The following MAN1A1 variants were observed in gnomAD, a reference collection of about 807,000 sequenced individuals.
MAN1A1 encodes the protein mannosyl-oligosaccharide 1,2-alpha-mannosidase IA.
MAN1A1 carries 29 observed loss-of-function variants against 70.8 expected under a neutral mutation model. The ratio of observed to expected loss-of-function variants is 0.41; its 90% CI spans 0.31 to 0.56. MAN1A1 has a LOEUF of 0.56. Among genes scored for constraint, MAN1A1 ranks in the 20% least tolerant of loss-of-function variants. The pLI is 0.29. For missense variants in MAN1A1, 747 were observed against 841.3 expected, an observed-to-expected ratio of 0.89 and a Z score of 1.39; for synonymous variants, 349 against 330.1, an observed-to-expected ratio of 1.06 and a Z score of -0.62.
intron 6 of MAN1A1, among the ~76,000 whole-genome samples, chr6:119,222,083 T>A (rs889462864): frequency 1.3e-5 from 2 of 152,070 alleles, no homozygotes; most frequent in East Asian, 3.9e-4. Context: ...CAAAGAACAA[T>A]AATTTCCTCA....
intron 2 of MAN1A1, among the ~76,000 whole-genome samples, chr6:119,336,954 TA>T (rs936441763): frequency 2.6e-4 from 39 of 148,678 alleles, no homozygotes; most frequent in African/African-American, 5.9e-4. Flanking sequence ...ATAACATATC[TA>T]AAAAAAAAAT....
chr6:119,254,760 G>C (rs1166627330), intron 5 of MAN1A1, among the ~76,000 whole-genome samples: 1 of 152,150 alleles, frequency 6.6e-6, no homozygotes, highest in Non-Finnish European at 1.5e-5. Context: ...GCATTCTAAG[G>C]ATTCTGATTA....
At chr6:119,248,616 C>T (rs1355012554) in intron 5 of MAN1A1, among the ~76,000 whole-genome samples, 2 of 152,136 alleles carry the variant, frequency 1.3e-5, no homozygotes, top group African/African-American at 2.4e-5. Context: ...CTGATGTGAA[C>T]GTCTTACTCT....
chr6:119,250,123 T>C (rs932309869), intron 5 of MAN1A1, among the ~76,000 whole-genome samples: 1 of 152,230 alleles, frequency 6.6e-6, no homozygotes, highest in African/African-American at 2.4e-5. Flanking sequence ...TTTCCCTTTC[T>C]CTGCCTTACC....
intron 6 of MAN1A1, among the ~76,000 whole-genome samples, chr6:119,245,194 A>C (rs926229196): frequency 1.3e-5 from 2 of 152,154 alleles, no homozygotes; most frequent in Admixed American, 1.3e-4. Flanking sequence ...ATGCACAGCT[A>C]GTCTAAAAAG....
At chr6:119,313,246 A>G (rs1365852028) in intron 2 of MAN1A1, among the ~76,000 whole-genome samples, 3 of 152,172 alleles carry the variant, frequency 2.0e-5, no homozygotes, top group Non-Finnish European at 4.4e-5. Context: ...ATCTGAAAGT[A>G]TTTAGCACCC....
intron 2 of MAN1A1, among the ~76,000 whole-genome samples, chr6:119,346,686 T>C (rs1223259586): frequency 6.6e-6 from 1 of 152,234 alleles, no homozygotes; most frequent in Non-Finnish European, 1.5e-5. Flanking sequence ...CTGCTCTGAA[T>C]GCACTTGTAA....
At position 119,306,611 on chromosome 6, in the gene MAN1A1, G is replaced by A. The variant is rs182676733; in HGVS notation, c.700+285C>T. On this transcript the variant is annotated intron_variant, in intron 3 of 12. Transcript: ENST00000368468. ...AATCACCCCAGAGGCTAAAATTTATGATACTGCACCCTATAACCATTAAGT... is the reference window on the plus strand; with the variant it reads ...AATCACCCCAGAGGCTAAAATTTATAATACTGCACCCTATAACCATTAAGT... Among the ~76,000 whole-genome samples, 11 of 152,272 alleles carry A rather than the reference G, an allele frequency of 7.2e-5. No homozygotes were observed. The East Asian group carries it at 1.9e-3, about 27-fold the overall frequency.
chr6:119,295,482 C>T (rs1772183705), intron 4 of MAN1A1, among the ~76,000 whole-genome samples: 1 of 151,902 alleles, frequency 6.6e-6, no homozygotes, highest in South Asian at 2.1e-4. Context: ...ATCTTCAAGC[C>T]TTATGATGTT....
chr6:119,303,754 G>C (rs1281492536), intron 3 of MAN1A1, among the ~76,000 whole-genome samples: 1 of 152,106 alleles, frequency 6.6e-6, no homozygotes, highest in Non-Finnish European at 1.5e-5. Flanking sequence ...ACTCCAGGTA[G>C]ACTACAGCTA....
intron 5 of MAN1A1, among the ~76,000 whole-genome samples, chr6:119,257,462 G>C (rs1775490768): frequency 6.6e-6 from 1 of 152,084 alleles, no homozygotes; most frequent in Admixed American, 6.5e-5. Flanking sequence ...GCTCTCATTG[G>C]TTATGGGACT....
chr6:119,289,266 T>A (rs1776466887), intron 5 of MAN1A1, among the ~76,000 whole-genome samples: 1 of 151,890 alleles, frequency 6.6e-6, no homozygotes, highest in Admixed American at 6.6e-5. Context: ...TCCTCCAAAT[T>A]GTCTCACCTC....
intron 5 of MAN1A1, among the ~76,000 whole-genome samples, chr6:119,267,898 G>A (rs1300814413): frequency 6.6e-6 from 1 of 152,142 alleles, no homozygotes; most frequent in Admixed American, 6.6e-5. Flanking sequence ...TATTTGAACT[G>A]TGGGAGACTT....
chr6:119,285,309 A>G (rs757399395), intron 5 of MAN1A1, among the ~76,000 whole-genome samples: 3 of 151,982 alleles, frequency 2.0e-5, no homozygotes, highest in Non-Finnish European at 4.4e-5. Context: ...CCTTGCTGTA[A>G]CTAATAGAGT....
At chr6:119,286,332 C>T in intron 5 of MAN1A1, among the ~76,000 whole-genome samples, 1 of 152,218 alleles carries the variant, frequency 6.6e-6, no homozygotes, top group South Asian at 2.1e-4. Context: ...AATGTCTTAA[C>T]CCTATTATGA....
chr6:119,306,954 G>C lies in MAN1A1; in HGVS notation c.642C>G (p.Ala214=). ...KHAWNNYKGY[A]WGLNELKPIS... is the part of the protein sequence containing the mutation. ...TAGGTTTGAGTTCATTTAATCCCCA[G>C]GCATAACCTTTATAATTATTCCAAG... Residue 214 remains alanine, a synonymous_variant, in exon 3 of 13, where the codon GCC becomes GCG. Transcript: ENST00000368468. 1.3e-6 allele frequency: 2 copies of C among 1,597,830 alleles called. No homozygotes were observed. Among genetic ancestry groups the C allele is most frequent in the Non-Finnish European group, 1.7e-6 (2 of 1,165,994 alleles).
rs1392378658 is a variant in MAN1A1, at chr6:119,178,363, G to A, written c.*1456C>T. On this transcript the variant is annotated 3_prime_UTR_variant, in exon 13 of 13. Transcript: ENST00000368468. ...CATATGTTTCAGCCTAATCCATGGGGTTGTACTGATCTTTCTGACCATTCT... is the reference window on the plus strand; with the variant it reads ...CATATGTTTCAGCCTAATCCATGGGATTGTACTGATCTTTCTGACCATTCT... 14 of 152,050 alleles carry A rather than the reference G, an allele frequency of 9.2e-5. No individual in the cohort carries two copies. The highest frequency in any genetic ancestry group is 9.2e-4 in the Admixed American group (14 of 15,256). The allele number at this position is 152,050 out of a possible 1,614,324, so 9.4% of individuals were successfully genotyped here.
chr6:119,251,144 C>A (rs1775307007), intron 5 of MAN1A1, among the ~76,000 whole-genome samples: 1 of 152,164 alleles, frequency 6.6e-6, no homozygotes, highest in Non-Finnish European at 1.5e-5. Flanking sequence ...TCCTATTTAG[C>A]CTGCTTGTTT....
intron 3 of MAN1A1, among the ~76,000 whole-genome samples, chr6:119,303,938 C>T (rs1454501169): frequency 6.6e-6 from 1 of 152,216 alleles, no homozygotes; most frequent in Non-Finnish European, 1.5e-5. Flanking sequence ...TTTCCTTTCA[C>T]TGAACTTCAT....
Sources: gnomAD v4.1 joint callset for allele counts (sites outside exome capture counted in the v4.1 genomes callset) on GRCh38, gnomAD v4.1.1 for gene constraint, MANE v1.5 for transcripts, NCBI Gene and HGNC (gene_info 2026-07-23, HGNC 2026-07-21) for gene names.